Variants in SIM2 observed in about 807,000 individuals in gnomAD.
SIM2 encodes the protein single-minded homolog 2.
SIM2 carries 28 observed loss-of-function variants against 64.8 expected under a neutral mutation model. The ratio of observed to expected loss-of-function variants is 0.43; its 90% CI spans 0.32 to 0.59. The LOEUF is 0.59. Ranked by LOEUF, SIM2 falls within the 20% of genes least tolerant of loss-of-function variation. The pLI is 0.07. For synonymous variants in SIM2, 408 were observed against 391.1 expected (o/e 1.04, Z -0.51); for missense variants, 847 against 871.4 (o/e 0.97, Z 0.35).
chr21:36,717,487 G>A (rs963271026), intron 3 of SIM2, among the ~76,000 whole-genome samples: 1 of 133,696 alleles, frequency 7.5e-6, no homozygotes, highest in Non-Finnish European at 1.5e-5. Flanking sequence ...TTGCTCTGTC[G>A]CCCAGGCTGG....
intron 3 of SIM2, among the ~76,000 whole-genome samples, chr21:36,715,163 G>A (rs1188724657): frequency 6.6e-6 from 1 of 152,166 alleles, no homozygotes; most frequent in Non-Finnish European, 1.5e-5. Flanking sequence ...TGCCCTCTTT[G>A]TCGGTGTCTA....
At position 36,709,219 on chromosome 21, in the gene SIM2, T is replaced by A. The variant is rs142133183; in HGVS notation, c.227T>A (p.Val76Asp). 2.2e-5 allele frequency: 35 copies of A among 1,609,784 alleles called. No homozygotes were observed. In the African/African-American group the frequency reaches 4.5e-4, roughly 21 times the overall value. ...AGCCGCGCCGGGCCCCTGGACGGCG[T>A]CGCCAAGGAGCTGGGATCGCACTTG... ...QPSRAGPLDG[V>D]AKELGSHLLQ... Residue 76 changes from valine (V) to aspartate (D), a missense_variant, in exon 2 of 11, where the codon GTC (valine) becomes GAC (aspartate). By Grantham distance (152) the Val-to-Asp change is radical. Coordinates refer to ENST00000290399, the MANE Select transcript of SIM2 (RefSeq NM_005069.6).
At chr21:36,718,338 C>CT (rs987420763) in intron 3 of SIM2, among the ~76,000 whole-genome samples, 25 of 152,202 alleles carry the variant, frequency 1.6e-4, no homozygotes, top group African/African-American at 6.0e-4. Flanking sequence ...CATTAAGCAG[C>CT]TGGCTGGGTT....
chr21:36,740,009 G>GAGAAAGAAAGAAAGAAAGAA (rs71840582), intron 7 of SIM2, among the ~76,000 whole-genome samples: 95 of 131,262 alleles, frequency 7.2e-4, no homozygotes, highest in African/African-American at 2.2e-3. Flanking sequence ...GAAAGAAAGA[G>GAGAAAGAAAGAAAGAAAGAA]AGAAAGAAAG....
chr21:36,730,090 C>T (rs890266127), intron 6 of SIM2, among the ~76,000 whole-genome samples: 2 of 152,152 alleles, frequency 1.3e-5, no homozygotes, highest in African/African-American at 4.8e-5. Context: ...GCCTAAAGGT[C>T]CCCAGTTATT....
rs899902563 is a variant in SIM2, at chr21:36,699,139, C to G, written c.-608C>G. 6.6e-6 allele frequency: 1 copy of G among 151,402 alleles called. No individual in the cohort carries two copies. The highest frequency in any genetic ancestry group is 2.1e-4 in the South Asian group (1 of 4,828). 9.4% of individuals were successfully genotyped at this position (151,402 alleles called of 1,614,324 possible). On this transcript the variant is annotated 5_prime_UTR_variant, in exon 1 of 11. Coordinates refer to ENST00000290399, the MANE Select transcript of SIM2 (RefSeq NM_005069.6). The surrounding 1 kb of genome is among the most constrained non-coding windows in gnomAD (Gnocchi z 5.6). ...CATAAACAAACGCGGCTCGGCCGCA[C>G]GTGGACAGCGGAGGTGCTGCGCCTA...
At chr21:36,700,794 G>T (rs1240595321) in intron 1 of SIM2, among the ~76,000 whole-genome samples, 2 of 152,238 alleles carry the variant, frequency 1.3e-5, no homozygotes, top group Non-Finnish European at 2.9e-5. Flanking sequence ...AGAGGGGTCC[G>T]ATTAATTCGA....
rs2088897897 is a variant in SIM2 at position 36,726,780 on chromosome 21, C to G, written c.743+462C>G. Among the ~76,000 whole-genome samples, 1 of 152,088 alleles carries G rather than the reference C, an allele frequency of 6.6e-6. No homozygotes were observed. The highest frequency in any genetic ancestry group is 6.6e-5 in the Admixed American group (1 of 15,262). On this transcript the variant is annotated intron_variant, in intron 6 of 10. Coordinates refer to ENST00000290399, the MANE Select transcript of SIM2 (RefSeq NM_005069.6). The surrounding 1 kb of genome is among the most constrained non-coding windows in gnomAD (Gnocchi z 4.5). ...GGCACTCAGGCTGGTGTGAAGCCACCACAGGGCTGAGGCTGGGAGCAGAGA... is the reference window on the plus strand; with the variant it reads ...GGCACTCAGGCTGGTGTGAAGCCACGACAGGGCTGAGGCTGGGAGCAGAGA...
intron 9 of SIM2, 39 bp from the exon 10 acceptor site, chr21:36,744,689 C>A (rs765189904): frequency 1.3e-6 from 2 of 1,524,344 alleles, no homozygotes; most frequent in Non-Finnish European, 1.8e-6. Context: ...TTCCTGCCGG[C>A]CCCTCGCTGG....
intron 2 of SIM2, chr21:36,709,498 C>A: frequency 4.6e-6 from 3 of 654,870 alleles, no homozygotes; most frequent in Non-Finnish European, 5.6e-6. Flanking sequence ...ACTCCCCAGG[C>A]CACCTGAGAC....
chr21:36,745,368 G>A lies in SIM2; in HGVS notation c.1576+232G>A. On this transcript the variant is annotated intron_variant, in intron 10 of 10. Transcript: ENST00000290399. This position sits in a 1 kb window ranked among gnomAD's most constrained non-coding sequence, Gnocchi z 4.8. ...CGGGGACACTAGTGACAGTATAAAG[G>A]GCAAAGGAAAACCGAGTATCTGGCC... 5.0e-6 allele frequency: 7 copies of A among 1,406,958 alleles called. No individual in the cohort carries two copies. The highest frequency in any genetic ancestry group is 6.5e-6 in the Non-Finnish European group (7 of 1,072,596). 87.2% of individuals were successfully genotyped at this position (1,406,958 alleles called of 1,614,324 possible).
intron 7 of SIM2, among the ~76,000 whole-genome samples, chr21:36,740,011 GAA>G (rs1041193961): frequency 3.5e-4 from 7 of 20,214 alleles, no homozygotes; most frequent in Admixed American, 1.9e-3. Flanking sequence ...AAGAAAGAGA[GAA>G]AGAAAGAAAG....
intron 3 of SIM2, among the ~76,000 whole-genome samples, chr21:36,717,777 G>A (rs568991265): frequency 6.6e-6 from 1 of 152,274 alleles, no homozygotes; most frequent in East Asian, 1.9e-4. Context: ...CACCTGGACA[G>A]GCCTTCCCAG....
Position 36,731,100 on chromosome 21 carries a change from C to T in SIM2, c.799C>T (p.His267Tyr), listed in dbSNP as rs1376044923. Reference sequence around the variant, plus strand: ...GGACCTGATCGAGAAGACCCTATACCATCACGTGCACGGCTGCGACGTGTT... The same window carrying T: ...GGACCTGATCGAGAAGACCCTATACTATCACGTGCACGGCTGCGACGTGTT... ...PQDLIEKTLY[H>Y]HVHGCDVFHL... is the part of the protein sequence containing the mutation. The change falls in exon 7 of 11, where the codon CAT (histidine) becomes TAT (tyrosine). Residue 267 changes from histidine to tyrosine, a missense_variant. His to Tyr is a moderately conservative substitution (Grantham distance 83). Around this residue, in one of 3 missense-constraint regions of SIM2, gnomAD observed 397 missense variants for 439.2 expected, o/e 0.90. Transcript: ENST00000290399. 1.2e-6 allele frequency: 2 copies of T among 1,614,092 alleles called. No individual in the cohort carries two copies. The highest frequency in any genetic ancestry group is 1.3e-5 in the African/African-American group (1 of 75,054).
At chr21:36,727,632 G>A (rs902855793) in intron 6 of SIM2, among the ~76,000 whole-genome samples, 7 of 152,194 alleles carry the variant, frequency 4.6e-5, no homozygotes, top group Admixed American at 1.3e-4. Context: ...TTGGCAGGTA[G>A]GTTCCTCAGC....
At chr21:36,741,650 T>TGG in intron 7 of SIM2, 67 bp from the exon 8 acceptor site, 1 of 1,575,182 alleles carries the variant, frequency 6.3e-7, no homozygotes, top group East Asian at 2.3e-5. Context: ...AGGTCACCGT[T>TGG]GGGGGCAGCA....
rs1330254760 is a variant in SIM2, at chr21:36,723,026, A to G, written c.458-19A>G. The G allele has an allele frequency of 1.2e-6, 2 of 1,608,562 alleles. No individual in the cohort carries two copies. The highest frequency in any genetic ancestry group is 1.7e-6 in the Non-Finnish European group (2 of 1,174,954). On this transcript the variant is annotated intron_variant, in intron 4 of 10. Coordinates refer to ENST00000290399, the MANE Select transcript of SIM2 (RefSeq NM_005069.6). Reference sequence around the variant, plus strand: ...GCACGGAGGGACAGCTGCCAACCTCATCTTGCTCCTGCTTGCAGAGTATGA... The same window carrying G: ...GCACGGAGGGACAGCTGCCAACCTCGTCTTGCTCCTGCTTGCAGAGTATGA...
intron 7 of SIM2, among the ~76,000 whole-genome samples, chr21:36,731,429 CTG>C (rs1248374087): frequency 2.0e-5 from 3 of 152,178 alleles, no homozygotes; most frequent in Non-Finnish European, 2.9e-5. Flanking sequence ...AACCTAAACT[CTG>C]TGATCTGGAC....
rs965911931 is a variant in SIM2, at chr21:36,699,478, G to C, written c.-269G>C. ...AGGAAACAGGAGCGAGCAGGAACGG[G>C]GCTCCGGTTGCTGCAGGACGGTCCA... On this transcript the variant is annotated 5_prime_UTR_variant, in exon 1 of 11. Transcript: ENST00000290399. This position sits in a 1 kb window ranked among gnomAD's most constrained non-coding sequence, Gnocchi z 5.6. 3 of 270,346 alleles carry C rather than the reference G, an allele frequency of 1.1e-5. No individual in the cohort carries two copies. The highest frequency in any genetic ancestry group is 2.0e-5 in the Non-Finnish European group (3 of 146,626). The allele number at this position is 270,346 out of a possible 1,614,324, so 16.7% of individuals were successfully genotyped here.
Sources: allele counts gnomAD v4.1 joint callset (sites outside exome capture counted in the v4.1 genomes callset), GRCh38; gene constraint gnomAD v4.1.1; regional missense constraint gnomAD v4.1.1; non-coding constraint Gnocchi (gnomAD v3.1); transcripts MANE v1.5; gene names NCBI Gene and HGNC (gene_info 2026-07-23, HGNC 2026-07-21).